The following STK32B variants were observed in gnomAD, a reference collection of about 807,000 sequenced individuals.
STK32B encodes serine/threonine kinase 32B.
Under a neutral mutation model 52.6 loss-of-function variants are expected in STK32B, and 43 were observed. That is an observed-to-expected ratio of 0.82 (90% confidence interval 0.64 to 1.05). STK32B has a LOEUF of 1.05. STK32B is among the 50% of genes least tolerant of loss of function. STK32B has a pLI of 0.00. For synonymous variants in STK32B, 238 were observed against 204.3 expected (o/e 1.17, Z -1.41); for missense variants, 621 against 534.6 (o/e 1.16, Z -1.59).
chr4:5,225,508 A>G (rs1723806563), intron 3 of STK32B, among the ~76,000 whole-genome samples: 1 of 152,190 alleles, frequency 6.6e-6, no homozygotes, highest in Non-Finnish European at 1.5e-5. Context: ...CCTTATCAGC[A>G]GTTTCACTTT....
At chr4:5,348,685 A>G (rs1047781497) in intron 4 of STK32B, among the ~76,000 whole-genome samples, 1 of 152,188 alleles carries the variant, frequency 6.6e-6, no homozygotes, top group Admixed American at 6.5e-5. Context: ...TGGCACAGCC[A>G]CTGCCACCTT....
chr4:5,389,916 A>G (rs1335532678), intron 4 of STK32B, among the ~76,000 whole-genome samples: 2 of 152,136 alleles, frequency 1.3e-5, no homozygotes, highest in Non-Finnish European at 2.9e-5. Context: ...TCGGAGAAGC[A>G]GTAGGAGATG....
At chr4:5,329,849 C>G (rs1732118164) in intron 3 of STK32B, among the ~76,000 whole-genome samples, 1 of 152,144 alleles carries the variant, frequency 6.6e-6, no homozygotes, top group African/African-American at 2.4e-5. Context: ...TTTCCTGGAC[C>G]CCAGTCTCTG....
intron 3 of STK32B, among the ~76,000 whole-genome samples, chr4:5,302,462 G>T (rs1361501241): frequency 6.6e-6 from 1 of 151,918 alleles, no homozygotes; most frequent in Non-Finnish European, 1.5e-5. Context: ...TGTACATTTA[G>T]ATCTACAAGC....
chr4:5,169,018 T>C (rs1205448200), intron 3 of STK32B, among the ~76,000 whole-genome samples: 1 of 152,218 alleles, frequency 6.6e-6, no homozygotes, highest in African/African-American at 2.4e-5. Context: ...TCTGTGCTTT[T>C]GCGTGTGAAA....
At chr4:5,230,940 A>C (rs946572874) in intron 3 of STK32B, among the ~76,000 whole-genome samples, 27 of 152,206 alleles carry the variant, frequency 1.8e-4, no homozygotes, top group African/African-American at 6.5e-4. Context: ...TGAAATTGCC[A>C]ACAGACAATT....
chr4:5,078,943 C>T (rs1354801592), intron 1 of STK32B, among the ~76,000 whole-genome samples: 2 of 152,168 alleles, frequency 1.3e-5, no homozygotes, highest in African/African-American at 2.4e-5. Flanking sequence ...GAATAACTAT[C>T]TCTGTTAAAA....
chr4:5,054,454 T>A (rs1741920401), intron 1 of STK32B, among the ~76,000 whole-genome samples: 1 of 146,166 alleles, frequency 6.8e-6, no homozygotes, highest in Non-Finnish European at 1.5e-5. Context: ...GGAAGGACGT[T>A]TCAGAGAAAG....
chr4:5,069,555 C>T (rs769114589), intron 1 of STK32B, among the ~76,000 whole-genome samples: 8 of 152,152 alleles, frequency 5.3e-5, no homozygotes, highest in Admixed American at 2.0e-4. Context: ...TGCCTGGAGT[C>T]GAAAGCTGCC....
At chr4:5,381,200 T>C (rs1735914049) in intron 4 of STK32B, among the ~76,000 whole-genome samples, 1 of 152,214 alleles carries the variant, frequency 6.6e-6, no homozygotes, top group Non-Finnish European at 1.5e-5. Context: ...ACTCCCTGGT[T>C]AGGAACTGTG....
chr4:5,120,791 G>A (rs1560161685), intron 1 of STK32B, among the ~76,000 whole-genome samples: 1 of 151,670 alleles, frequency 6.6e-6, no homozygotes, highest in Non-Finnish European at 1.5e-5. Flanking sequence ...CTTTACATAT[G>A]TGTATGAAAT....
rs199743638 is a variant in STK32B, at chr4:5,172,086, A to C, written c.260+3636A>C. On this transcript the variant is annotated intron_variant, in intron 3 of 11. Transcript: ENST00000282908. ...TTTGAAGCAATTGAGAATGGGAGTT[A>C]ACTCATGATTTGGCTCTCTGTTTGT... 5.8e-4 allele frequency among the ~76,000 whole-genome samples: 87 copies of C among 149,664 alleles called. 1 individual carries two copies. Among genetic ancestry groups the C allele is most frequent in the South Asian group, 3.0e-3 (14 of 4,648 alleles).
upstream of STK32B, among the ~76,000 whole-genome samples, chr4:5,046,703 A>G (rs1741623385): frequency 6.6e-6 from 1 of 152,248 alleles, no homozygotes; most frequent in Non-Finnish European, 1.5e-5. Context: ...TTCTCAAAAG[A>G]AGACATTTAT....
chr4:5,132,214 G>C (rs1449850531), intron 1 of STK32B, among the ~76,000 whole-genome samples: 1 of 152,160 alleles, frequency 6.6e-6, no homozygotes. Flanking sequence ...TTGCTATTGT[G>C]AATAGTGCTG....
intron 3 of STK32B, among the ~76,000 whole-genome samples, chr4:5,259,895 G>A (rs868535381): frequency 6.6e-6 from 1 of 151,998 alleles, no homozygotes; most frequent in Non-Finnish European, 1.5e-5. Flanking sequence ...AAGGTTTACT[G>A]GAGAAGATGC....
rs371842406 is a variant in STK32B at position 5,446,571 on chromosome 4, A to C, written c.563-102A>C. 1.6e-3 allele frequency: 1,803 copies of C among 1,093,896 alleles called. 8 individuals carry two copies. Among genetic ancestry groups the C allele is most frequent in the African/African-American group, 0.014 (891 of 62,660 alleles). 67.8% of individuals were successfully genotyped at this position (1,093,896 alleles called of 1,614,324 possible). On this transcript the variant is annotated intron_variant, in intron 6 of 11. Coordinates refer to ENST00000282908, the MANE Select transcript of STK32B (RefSeq NM_018401.3). ...AACTCTATCTCAAAAAAAAACAAAAAAAAAAAAAACAAGCTCAATTTCTCT... is the reference window on the plus strand; with the variant it reads ...AACTCTATCTCAAAAAAAAACAAAACAAAAAAAAACAAGCTCAATTTCTCT...
chr4:5,312,845 C>A (rs916239416), intron 3 of STK32B, among the ~76,000 whole-genome samples: 11 of 151,966 alleles, frequency 7.2e-5, no homozygotes, highest in African/African-American at 2.7e-4. Flanking sequence ...AGTTCTAGAT[C>A]CCTGAGGAAT....
At chr4:5,165,590 A>G (rs1230883394) in intron 2 of STK32B, among the ~76,000 whole-genome samples, 1 of 152,180 alleles carries the variant, frequency 6.6e-6, no homozygotes, top group East Asian at 1.9e-4. Flanking sequence ...AAGGCGAATG[A>G]GAAGTGAGAG....
intron 1 of STK32B, among the ~76,000 whole-genome samples, chr4:5,136,638 C>T (rs1716095149): frequency 6.6e-6 from 1 of 152,176 alleles, no homozygotes; most frequent in African/African-American, 2.4e-5. Context: ...CTCTTCAACC[C>T]TCTCACACCC....
Sources: allele counts gnomAD v4.1 joint callset (sites outside exome capture counted in the v4.1 genomes callset), GRCh38; gene constraint gnomAD v4.1.1; transcripts MANE v1.5; gene names NCBI Gene and HGNC (gene_info 2026-07-23, HGNC 2026-07-21).